Variants in PPARG observed in about 807,000 individuals in gnomAD.
PPARG encodes the protein peroxisome proliferator activated receptor gamma, also known as peroxisome proliferator-activated receptor gamma.
Under a neutral mutation model 39.2 loss-of-function variants are expected in PPARG, and 17 were observed. The observed-to-expected ratio is 0.43, with a 90% CI of 0.30 to 0.65. The LOEUF is 0.65. PPARG is among the 30% of genes least tolerant of loss of function. The pLI is 0.13. For synonymous variants in PPARG, 223 were observed against 215.7 expected (o/e 1.03, Z -0.30); for missense variants, 406 against 585.9 (o/e 0.69, Z 3.17).
chr3:12,324,663 C>G (rs986986343), intron 2 of PPARG, among the ~76,000 whole-genome samples: 3 of 151,244 alleles, frequency 2.0e-5, no homozygotes, highest in African/African-American at 7.4e-5. Context: ...CAGCCTTGAT[C>G]TTTTCACAGA....
intron 2 of PPARG, among the ~76,000 whole-genome samples, chr3:12,319,030 A>T (rs2047467374): frequency 6.6e-6 from 1 of 152,230 alleles, no homozygotes; most frequent in Non-Finnish European, 1.5e-5. Context: ...AAGTCATAAG[A>T]CTTGGTGGCT....
intron 1 of PPARG, among the ~76,000 whole-genome samples, chr3:12,310,033 T>A (rs1406370367): frequency 1.3e-5 from 2 of 152,102 alleles, no homozygotes; most frequent in Non-Finnish European, 2.9e-5. Context: ...TGGTGTCTAC[T>A]CCCCCCAGAA....
chr3:12,357,469 A>G (rs1316319747), intron 2 of PPARG, among the ~76,000 whole-genome samples: 1 of 152,098 alleles, frequency 6.6e-6, no homozygotes, highest in East Asian at 1.9e-4. Context: ...CTTACCTTAG[A>G]GTGAGGGTGA....
chr3:12,426,366 A>G (rs539452868), intron 7 of PPARG, among the ~76,000 whole-genome samples: 1 of 152,298 alleles, frequency 6.6e-6, no homozygotes, highest in African/African-American at 2.4e-5. Flanking sequence ...CAAGATCTCT[A>G]TTTTATGTCA....
At chr3:12,409,168 A>G (rs2050785003) in intron 6 of PPARG, among the ~76,000 whole-genome samples, 2 of 152,236 alleles carry the variant, frequency 1.3e-5, no homozygotes, top group Admixed American at 1.3e-4. Flanking sequence ...ACAGTTGCCT[A>G]TGCCCTTTGA....
intron 2 of PPARG, chr3:12,372,186 A>C: frequency 1.4e-6 from 1 of 717,076 alleles, no homozygotes; most frequent in South Asian, 1.5e-5. Context: ...TTCATAGTAC[A>C]TCCCCTGCCC....
At chr3:12,328,310 C>G (rs911999697) in intron 2 of PPARG, 2 of 1,059,224 alleles carry the variant, frequency 1.9e-6, no homozygotes, top group East Asian at 2.6e-5. Context: ...CCTCCTGCCC[C>G]TCTCATTCCT....
Position 12,416,927 on chromosome 3 carries a change from A to G in PPARG, c.953A>G (p.Tyr318Cys). ...DLNDQVTLLK[Y>C]GVHEIIYTML... ...AACGACCAAGTAACTCTCCTCAAAT[A>G]TGGAGTCCACGAGATCATTTACACA... Residue 318 changes from tyrosine to cysteine, a missense_variant, in exon 7 of 8, where the codon TAT (tyrosine) becomes TGT (cysteine). Coordinates refer to ENST00000651735, the MANE Select transcript of PPARG (RefSeq NM_138711.6). The G allele has an allele frequency of 1.2e-6, 2 of 1,614,102 alleles. No homozygotes were observed. Among genetic ancestry groups the G allele is most frequent in the Non-Finnish European group, 1.7e-6 (2 of 1,180,008 alleles).
At chr3:12,379,331 G>A (rs2049535846) in intron 2 of PPARG, among the ~76,000 whole-genome samples, 1 of 152,042 alleles carries the variant, frequency 6.6e-6, no homozygotes, top group South Asian at 2.1e-4. Context: ...AAAAATTTTT[G>A]TCTATTATAC....
chr3:12,310,495 G>A (rs1336375880), intron 1 of PPARG, among the ~76,000 whole-genome samples: 2 of 59,812 alleles, frequency 3.3e-5, no homozygotes, highest in African/African-American at 6.0e-5. Flanking sequence ...ACAGAGTCTC[G>A]CTCTGTCGCC....
At chr3:12,409,673 A>G (rs2050807017) in intron 6 of PPARG, among the ~76,000 whole-genome samples, 1 of 152,166 alleles carries the variant, frequency 6.6e-6, no homozygotes, top group South Asian at 2.1e-4. Flanking sequence ...CCTGCTTGAG[A>G]CTGATGTCAT....
chr3:12,311,631 G>A (rs568559968), intron 1 of PPARG, among the ~76,000 whole-genome samples: 22 of 151,964 alleles, frequency 1.4e-4, no homozygotes, highest in African/African-American at 2.7e-4. Flanking sequence ...GTAGAATGTC[G>A]GGTCTCGATG....
chr3:12,304,410 G>A (rs772835063), intron 1 of PPARG, among the ~76,000 whole-genome samples: 2 of 152,226 alleles, frequency 1.3e-5, no homozygotes, highest in South Asian at 4.1e-4. Context: ...TGTGGAGGAC[G>A]TAGACTCCTA....
chr3:12,371,229 G>A (rs1418441639), intron 2 of PPARG, among the ~76,000 whole-genome samples: 1 of 152,096 alleles, frequency 6.6e-6, no homozygotes, highest in Non-Finnish European at 1.5e-5. Context: ...ATGGAGATTA[G>A]ATATGAAGAG....
At chr3:12,319,661 T>C (rs2047483694) in intron 2 of PPARG, among the ~76,000 whole-genome samples, 1 of 152,034 alleles carries the variant, frequency 6.6e-6, no homozygotes, top group Admixed American at 6.6e-5. Context: ...AGATATTTAA[T>C]ACTCAATTTT....
At chr3:12,419,241 G>A (rs908654862) in intron 7 of PPARG, among the ~76,000 whole-genome samples, 2 of 151,744 alleles carry the variant, frequency 1.3e-5, no homozygotes, top group Admixed American at 6.6e-5. Context: ...CACCATGCCC[G>A]GCCGACGTTA....
chr3:12,319,071 G>C (rs1352773501), intron 2 of PPARG, among the ~76,000 whole-genome samples: 1 of 152,130 alleles, frequency 6.6e-6, no homozygotes, highest in Non-Finnish European at 1.5e-5. Context: ...ATAAATTTCA[G>C]GGAAATACCA....
chr3:12,311,997 G>A (rs1204951261), intron 1 of PPARG, among the ~76,000 whole-genome samples: 3 of 152,146 alleles, frequency 2.0e-5, no homozygotes, highest in Non-Finnish European at 2.9e-5. Context: ...ATCCTTTTAA[G>A]GTCTAGTTTT....
At chr3:12,311,472 C>G (rs11715073) in intron 1 of PPARG, among the ~76,000 whole-genome samples, 38,299 of 152,074 alleles carry the variant, frequency 0.25, 4,933 homozygotes, top group East Asian at 0.33. Context: ...TTTCCTGCTA[C>G]AGTTAACAAA....
Sources: allele counts gnomAD v4.1 joint callset (sites outside exome capture counted in the v4.1 genomes callset), GRCh38; gene constraint gnomAD v4.1.1; transcripts MANE v1.5; gene names NCBI Gene and HGNC (gene_info 2026-07-23, HGNC 2026-07-21).